The following MACROD2 variants were observed in gnomAD, a reference collection of about 807,000 sequenced individuals.
The protein encoded by MACROD2 is mono-ADP ribosylhydrolase 2, also known as ADP-ribose glycohydrolase MACROD2.
In MACROD2, 36 loss-of-function variants were observed where a neutral mutation model predicts 70.4. That is an observed-to-expected ratio of 0.51 (90% CI 0.39 to 0.68). The LOEUF (loss-of-function observed/expected upper bound fraction) is 0.68, where lower values mean the gene tolerates loss of function less well. Among genes scored for constraint, MACROD2 ranks in the 30% least tolerant of loss-of-function variants. The pLI is 0.00. For missense variants in MACROD2, 496 were observed against 538.4 expected (o/e 0.92, Z 0.78); for synonymous variants, 172 against 178.8 (o/e 0.96, Z 0.30).
At position 14,627,667 on chromosome 20, in the gene MACROD2, TA is replaced by T. The variant is rs544749911; in HGVS notation, c.302-57175del. Among the ~76,000 whole-genome samples the T allele has an allele frequency of 1.7e-3, 258 of 152,360 alleles. 1 individual carries two copies. The highest frequency in any genetic ancestry group is 5.8e-3 in the African/African-American group (241 of 41,586). On this transcript the variant is annotated intron_variant, in intron 4 of 17. Transcript: ENST00000684519. ...TTTAAAAACATTTCAGTGAAGTTAA[TA>T]TGTTTTCTGAATTAGTGCACCCAAA... is the stretch of plus-strand genomic sequence containing the variant.
intron 5 of MACROD2, among the ~76,000 whole-genome samples, chr20:15,164,059 T>C (rs1021888080): frequency 1.3e-4 from 20 of 151,922 alleles, no homozygotes; most frequent in African/African-American, 4.8e-4. Flanking sequence ...AGAAAAAAAA[T>C]CAGAGAAAAT....
At chr20:16,017,692 C>G (rs991964705) in intron 15 of MACROD2, among the ~76,000 whole-genome samples, 1 of 152,220 alleles carries the variant, frequency 6.6e-6, no homozygotes, top group East Asian at 1.9e-4. Flanking sequence ...GTTTCTGCAT[C>G]TTCACATAGT....
chr20:14,767,194 T>C (rs1283134842), intron 5 of MACROD2, among the ~76,000 whole-genome samples: 1 of 152,152 alleles, frequency 6.6e-6, no homozygotes, highest in Admixed American at 6.6e-5. Context: ...AATGTATTTA[T>C]TTATTAGTCC....
At chr20:14,779,934 C>T (rs1229153515) in intron 5 of MACROD2, among the ~76,000 whole-genome samples, 1 of 151,936 alleles carries the variant, frequency 6.6e-6, no homozygotes, top group Non-Finnish European at 1.5e-5. Flanking sequence ...TGAGCCAGGC[C>T]CTGTGTTAAG....
At chr20:15,677,107 T>C (rs1465129027) in intron 8 of MACROD2, among the ~76,000 whole-genome samples, 8 of 152,224 alleles carry the variant, frequency 5.3e-5, no homozygotes, top group African/African-American at 1.9e-4. Flanking sequence ...TTAAATAAAA[T>C]GAGTTTCTAG....
chr20:14,438,679 T>A (rs1432598332), intron 3 of MACROD2, among the ~76,000 whole-genome samples: 1 of 152,228 alleles, frequency 6.6e-6, no homozygotes, highest in Admixed American at 6.5e-5. Flanking sequence ...GGGCACCTTT[T>A]CATGTACCAG....
intron 3 of MACROD2, among the ~76,000 whole-genome samples, chr20:14,209,419 C>T (rs1421870024): frequency 6.6e-6 from 1 of 151,958 alleles, no homozygotes; most frequent in Non-Finnish European, 1.5e-5. Flanking sequence ...CATGATTTCA[C>T]CAACAAATAG....
chr20:14,087,607 T>C (rs2054094391), intron 3 of MACROD2, among the ~76,000 whole-genome samples: 1 of 152,168 alleles, frequency 6.6e-6, no homozygotes, highest in Admixed American at 6.5e-5. Context: ...TCCTTCATCC[T>C]CAGGTTACCT....
chr20:15,777,599 TTCCC>T (rs1568555718), intron 8 of MACROD2, among the ~76,000 whole-genome samples: 3 of 123,702 alleles, frequency 2.4e-5, no homozygotes, highest in Admixed American at 8.6e-5. Flanking sequence ...CCTTCCTTCC[TTCCC>T]TCCCTCCCTC....
chr20:14,695,406 C>T (rs1282630277), intron 5 of MACROD2, among the ~76,000 whole-genome samples: 1 of 152,200 alleles, frequency 6.6e-6, no homozygotes, highest in Admixed American at 6.5e-5. Context: ...GGGATCATCT[C>T]AAGGTCTCAA....
intron 8 of MACROD2, among the ~76,000 whole-genome samples, chr20:15,533,054 T>C (rs2047826040): frequency 6.6e-6 from 1 of 152,244 alleles, no homozygotes; most frequent in Admixed American, 6.5e-5. Flanking sequence ...TTCTTCTTTA[T>C]TGAAATGGAT....
At chr20:14,959,790 A>G (rs1600875340) in intron 5 of MACROD2, among the ~76,000 whole-genome samples, 1 of 152,290 alleles carries the variant, frequency 6.6e-6, no homozygotes, top group East Asian at 1.9e-4. Flanking sequence ...ATGGCTGACT[A>G]ACCCACTAGT....
At chr20:15,307,228 A>C (rs2077706683) in intron 6 of MACROD2, among the ~76,000 whole-genome samples, 1 of 152,188 alleles carries the variant, frequency 6.6e-6, no homozygotes, top group African/African-American at 2.4e-5. Context: ...TTGTTGCAGA[A>C]ACACAGGCTA....
intron 7 of MACROD2, among the ~76,000 whole-genome samples, chr20:15,452,794 T>C (rs1479964652): frequency 1.3e-5 from 2 of 152,140 alleles, no homozygotes; most frequent in East Asian, 1.9e-4. Flanking sequence ...TATAACTGAA[T>C]AGCATCAGTT....
At chr20:16,001,508 T>A (rs114326928) in intron 15 of MACROD2, among the ~76,000 whole-genome samples, 622 of 152,336 alleles carry the variant, frequency 4.1e-3, no homozygotes, top group African/African-American at 0.013. Context: ...ACCAATAATA[T>A]CATCCCATTG....
chr20:14,164,705 G>T lies in MACROD2; in HGVS notation c.271+78977G>T, dbSNP rs188435360. The stretch of plus-strand genomic sequence containing the variant: ...CAGGCTCTGGGAGGAGTACCCGGGT[G>T]CCAGTGATGGTGGACTTAACTGTTT... On this transcript the variant is annotated intron_variant, in intron 3 of 17. Transcript: ENST00000684519. Among the ~76,000 whole-genome samples, 903 of 152,200 alleles carry T rather than the reference G, an allele frequency of 5.9e-3. 16 individuals carry two copies. The highest frequency in any genetic ancestry group is 0.039 in the Admixed American group (601 of 15,288).
intron 3 of MACROD2, among the ~76,000 whole-genome samples, chr20:14,312,367 A>T (rs951494591): frequency 6.6e-6 from 1 of 152,192 alleles, no homozygotes; most frequent in African/African-American, 2.4e-5. Context: ...GATTGAATTG[A>T]TAGTGTTCAT....
At chr20:14,776,364 GAA>G (rs1348543747) in intron 5 of MACROD2, among the ~76,000 whole-genome samples, 2 of 151,992 alleles carry the variant, frequency 1.3e-5, no homozygotes, top group Non-Finnish European at 2.9e-5. Context: ...CTTGCAAAAT[GAA>G]AGTTATATTG....
intron 2 of MACROD2, among the ~76,000 whole-genome samples, chr20:14,014,598 TC>T (rs1273734600): frequency 1.3e-5 from 2 of 152,102 alleles, no homozygotes; most frequent in Non-Finnish European, 2.9e-5. Flanking sequence ...GTATGCAGTT[TC>T]CACCCCTTAA....
Sources: gnomAD v4.1 joint callset for allele counts (sites outside exome capture counted in the v4.1 genomes callset) on GRCh38, gnomAD v4.1.1 for gene constraint, MANE v1.5 for transcripts, NCBI Gene and HGNC (gene_info 2026-07-23, HGNC 2026-07-21) for gene names.